Variants in SAMD9L observed in about 807,000 individuals in gnomAD.
The protein encoded by SAMD9L is sterile alpha motif domain containing 9 like.
A neutral mutation model predicts 90.7 loss-of-function variants in SAMD9L; 68 were observed. That is an observed-to-expected ratio of 0.75 (90% CI 0.62 to 0.92). The LOEUF (loss-of-function observed/expected upper bound fraction) is 0.92. Ranked by LOEUF, SAMD9L falls within the 40% of genes least tolerant of loss-of-function variation. SAMD9L has a pLI of 0.00. For synonymous variants in SAMD9L, 640 were observed against 630.1 expected (o/e 1.02, Z -0.23); for missense variants, 1,604 against 1,824.3 (o/e 0.88, Z 2.20).
rs763810714 is a variant in SAMD9L at position 93,131,250 on chromosome 7, T to G, written c.4722A>C (p.Glu1574Asp). The change falls in exon 5 of 5, where the codon GAA (glutamate) becomes GAC (aspartate). Residue 1574 changes from glutamate to aspartate, a missense_variant. Physicochemically the swap from Glu to Asp is conservative, Grantham distance 45. Coordinates refer to ENST00000318238, the MANE Select transcript of SAMD9L (RefSeq NM_152703.5). The part of the protein sequence containing the change: ...RVSFYLGFSI[E>D]GPLAYDIEVI ...CTTCTATATCATATGCCAGAGGGCC[T>G]TCAATGGAAAATCCTAGGTAGAAAG... 2.5e-6 allele frequency: 4 copies of G among 1,584,068 alleles called. No homozygotes were observed. The highest frequency in any genetic ancestry group is 3.4e-6 in the Non-Finnish European group (4 of 1,168,682).
rs1238117440 is a variant in SAMD9L at position 93,132,236 on chromosome 7, A to G, written c.3736T>C (p.Cys1246Arg). 2 of 1,613,752 alleles carry G rather than the reference A, an allele frequency of 1.2e-6. No individual in the cohort carries two copies. The highest frequency in any genetic ancestry group is 1.7e-6 in the Non-Finnish European group (2 of 1,179,894). ...GTGAACTTGCTAAGAGCCAAATAACATTCATTTCTGGGATCAGGAGGAATG... is the reference window on the plus strand; with the variant it reads ...GTGAACTTGCTAAGAGCCAAATAACGTTCATTTCTGGGATCAGGAGGAATG... ...WTIPPDPRNE[C>R]YLALSKFTSH... Residue 1246 changes from cysteine to arginine, a missense_variant, in exon 5 of 5, where the codon TGT becomes CGT. By Grantham distance (180) the Cys-to-Arg change is radical. Transcript: ENST00000318238.
In SAMD9L at chr7:93,135,583, T is replaced by G. The variant is rs977806632; in HGVS notation, c.389A>C (p.Lys130Thr). Residue 130 changes from lysine to threonine, a missense_variant, in exon 5 of 5, where the codon AAA (lysine) becomes ACA (threonine). This residue lies in a region of SAMD9L where 374 missense variants were observed against 363.6 expected (regional missense o/e 1.03). Transcript: ENST00000318238. Reference sequence around the variant, plus strand: ...TTTCATAAGAATTGATTCTTCTTGTTTGATATCTCTGATCTCTCTGGGATC... The same window carrying G: ...TTTCATAAGAATTGATTCTTCTTGTGTGATATCTCTGATCTCTCTGGGATC... ...DYDPREIRDI[K>T]QEESILMKEN... 2 of 1,613,994 alleles carry G rather than the reference T, an allele frequency of 1.2e-6. No homozygotes were observed. Among genetic ancestry groups the G allele is most frequent in the Non-Finnish European group, 1.7e-6 (2 of 1,179,912 alleles).
rs1792342529 is a variant in SAMD9L, at chr7:93,134,814, C to T, written c.1158G>A (p.Met386Ile). 1.2e-6 allele frequency: 2 copies of T among 1,613,600 alleles called. No individual in the cohort carries two copies. The highest frequency in any genetic ancestry group is 1.7e-5 in the Admixed American group (1 of 59,982). ...SRKEAEEEYG[M>I]KAMKKESEGL... is the part of the protein sequence containing the mutation. The stretch of plus-strand genomic sequence containing the variant: ...CTTCACTCTCCTTCTTCATTGCCTT[C>T]ATTCCATACTCTTCTTCAGCCTCTT... Residue 386 changes from methionine to isoleucine, a missense_variant, in exon 5 of 5, where the codon ATG becomes ATA. Coordinates refer to ENST00000318238, the MANE Select transcript of SAMD9L (RefSeq NM_152703.5).
rs950395362 is a variant in SAMD9L, at chr7:93,145,185, A to T, written c.-123+200T>A. Among the ~76,000 whole-genome samples, 14 of 152,356 alleles carry T rather than the reference A, an allele frequency of 9.2e-5. No homozygotes were observed. The South Asian group carries it at 1.7e-3, about 18-fold the overall frequency. On this transcript the variant is annotated intron_variant, in intron 3 of 4. Coordinates refer to ENST00000318238, the MANE Select transcript of SAMD9L (RefSeq NM_152703.5). ...TTTCTTGTTTAAAAATTCTGCAATC[A>T]GCACAAGTTACATCTATTGATTCTC...
rs1792309988 is a variant in SAMD9L at position 93,134,348 on chromosome 7, T to C, written c.1624A>G (p.Lys542Glu). 6.2e-7 allele frequency: 1 copy of C among 1,611,064 alleles called. No individual in the cohort carries two copies. Among genetic ancestry groups the C allele is most frequent in the East Asian group, 2.2e-5 (1 of 44,850 alleles). ...AGTAATAGAAACACTACCAAAAATT[T>C]TCCTCTTGTCATTATATTTTCATCT... ...LTDENIMTRG[K>E]FLVVFLLLSS... The change falls in exon 5 of 5, where the codon AAA becomes GAA. Residue 542 changes from lysine to glutamate, a missense_variant. Transcript: ENST00000318238.
intron 1 of SAMD9L, among the ~76,000 whole-genome samples, 173 bp from the exon 2 acceptor site, chr7:93,147,319 G>A (rs1792930871): frequency 6.6e-6 from 1 of 152,178 alleles, no homozygotes; most frequent in African/African-American, 2.4e-5. Flanking sequence ...GGGGCCCTCA[G>A]TGTCCTGTTT....
rs764516724 is a variant in SAMD9L, at chr7:93,132,205, T to G, written c.3767A>C (p.His1256Pro). Residue 1256 changes from histidine to proline, a missense_variant, in exon 5 of 5, where the codon CAC (histidine) becomes CCC (proline). This residue lies in a region of SAMD9L where 302 missense variants were observed against 314.7 expected (regional missense o/e 0.96). Transcript: ENST00000318238. ...CAGATCTGATTGTAAATTTTTTAGG[T>G]GGGATGTGAACTTGCTAAGAGCCAA... Reference protein sequence around the residue: ...CYLALSKFTSHLKNLQSDLKR... With the variant: ...CYLALSKFTSPLKNLQSDLKR... 6.2e-7 allele frequency: 1 copy of G among 1,613,740 alleles called. No individual in the cohort carries two copies. The highest frequency in any genetic ancestry group is 1.1e-5 in the South Asian group (1 of 91,058).
Position 93,134,198 on chromosome 7 carries a change from C to G in SAMD9L, c.1774G>C (p.Asp592His), listed in dbSNP as rs1792297912. The change falls in exon 5 of 5, where the codon GAT (aspartate) becomes CAT (histidine). Residue 592 changes from aspartate to histidine, a missense_variant. Coordinates refer to ENST00000318238, the MANE Select transcript of SAMD9L (RefSeq NM_152703.5). ...VNSHIYQRWKDLLQTRMKMED... is the reference protein window; with the variant it reads ...VNSHIYQRWKHLLQTRMKMED... The stretch of plus-strand genomic sequence containing the variant: ...ATCTTCATTCTTGTTTGTAGTAGAT[C>G]TTTCCATCGTTGATAAATATGTGAG... 1 of 1,613,042 alleles carries G rather than the reference C, an allele frequency of 6.2e-7. No homozygotes were observed. Among genetic ancestry groups the G allele is most frequent in the Admixed American group, 1.7e-5 (1 of 59,920 alleles).
At chr7:93,139,016 A>T (rs969335278) in intron 4 of SAMD9L, among the ~76,000 whole-genome samples, 2 of 152,164 alleles carry the variant, frequency 1.3e-5, no homozygotes, top group African/African-American at 4.8e-5. Context: ...GATATTTCAT[A>T]CTTTGAAAAT....
At position 93,132,016 on chromosome 7, in the gene SAMD9L, T is replaced by C; in HGVS notation, c.3956A>G (p.Glu1319Gly). Residue 1319 changes from glutamate to glycine, a missense_variant, in exon 5 of 5, where the codon GAG becomes GGG. Physicochemically the swap from Glu to Gly is moderately conservative, Grantham distance 98 (BLOSUM62 -2). Transcript: ENST00000318238. The stretch of plus-strand genomic sequence containing the variant: ...ATTCTCCTCCTGGAGTAATTGACTC[T>C]CTTTACTTTGTAATAGACATGGATC... The part of the protein sequence containing the change: ...HLDPCLLQSK[E>G]SQLLQEENCR... 1.9e-6 allele frequency: 3 copies of C among 1,613,380 alleles called. No homozygotes were observed. Among genetic ancestry groups the C allele is most frequent in the Non-Finnish European group, 2.5e-6 (3 of 1,179,742 alleles).
intron 1 of SAMD9L, among the ~76,000 whole-genome samples, chr7:93,147,374 A>T (rs1792933411): frequency 6.6e-6 from 1 of 152,202 alleles, no homozygotes; most frequent in Non-Finnish European, 1.5e-5. Flanking sequence ...AACGTTGGTT[A>T]TTGACAAAGG....
chr7:93,133,706 A>G lies in SAMD9L; in HGVS notation c.2266T>C (p.Trp756Arg), dbSNP rs2116489366. 1.2e-6 allele frequency: 2 copies of G among 1,613,628 alleles called. No homozygotes were observed. Among genetic ancestry groups the G allele is most frequent in the Non-Finnish European group, 1.7e-6 (2 of 1,179,868 alleles). The change falls in exon 5 of 5, where the codon TGG (tryptophan) becomes CGG (arginine). Residue 756 changes from tryptophan to arginine, a missense_variant. Trp to Arg is a moderately radical substitution (Grantham distance 101). This residue lies in a region of SAMD9L where 606 missense variants were observed against 717.6 expected (regional missense o/e 0.84). Transcript: ENST00000318238. Reference sequence around the variant, plus strand: ...CATCTGAAGTTTTTCTTTAAGTCCCAGAGAACATGCATAGCCAGTGTGGTA... The same window carrying G: ...CATCTGAAGTTTTTCTTTAAGTCCCGGAGAACATGCATAGCCAGTGTGGTA... ...GGTTLAMHVL[W>R]DLKKNFRCAV...
At chr7:93,136,091 A>T in intron 4 of SAMD9L, 100 bp from the exon 5 acceptor site, 1 of 742,864 alleles carries the variant, frequency 1.3e-6, no homozygotes, top group Admixed American at 3.6e-5. Context: ...ATACATATAT[A>T]TATGTATAAT....
chr7:93,137,439 ACT>A (rs1792499196), intron 4 of SAMD9L, among the ~76,000 whole-genome samples: 1 of 151,816 alleles, frequency 6.6e-6, no homozygotes, highest in African/African-American at 2.4e-5. Context: ...ATGATCAGTC[ACT>A]CTGTCCCATC....
Position 93,132,284 on chromosome 7 carries a change from G to A in SAMD9L, c.3688C>T (p.Gln1230Ter). The A allele has an allele frequency of 1.2e-6, 2 of 1,613,696 alleles. No homozygotes were observed. Among genetic ancestry groups the A allele is most frequent in the Non-Finnish European group, 1.7e-6 (2 of 1,179,786 alleles). The change falls in exon 5 of 5, where the codon CAA (glutamine) becomes TAA (stop). Residue 1230 changes from glutamine (Q) to a stop codon, truncating the protein, a stop_gained. Transcript: ENST00000318238. LOFTEE classifies it high-confidence loss of function. ...ATGGTCCACTTTCCTGATAAAAATT[G>A]CACCATATGTTTTTTGGATAATTCA... Reference protein sequence around the residue: ...ENELSKKHMVQFLSGKWTIPP... With the variant: ...ENELSKKHMV
rs372003012 is a variant in SAMD9L, at chr7:93,132,397, T to C, written c.3575A>G (p.Tyr1192Cys). The C allele has an allele frequency of 6.2e-7, 1 of 1,613,844 alleles. No individual in the cohort carries two copies. Among genetic ancestry groups the C allele is most frequent in the African/African-American group, 1.3e-5 (1 of 74,938 alleles). ...TTCACCCAAGAAACAAGCTGTGTTATACATGTCATATCGTCTCTGGGACTT... is the reference window on the plus strand; with the variant it reads ...TTCACCCAAGAAACAAGCTGTGTTACACATGTCATATCGTCTCTGGGACTT... ...PQKSQRRYDM[Y>C]NTACFLGEIE... The change falls in exon 5 of 5, where the codon TAT becomes TGT. Residue 1192 changes from tyrosine (Y) to cysteine (C), a missense_variant. Transcript: ENST00000318238.
chr7:93,135,665 T>C lies in SAMD9L; in HGVS notation c.307A>G (p.Asn103Asp). The change falls in exon 5 of 5, where the codon AAT becomes GAT. Residue 103 changes from asparagine to aspartate, a missense_variant. Transcript: ENST00000318238. ...TCTTCCTTTTTGGTGTGTTTTGGAT[T>C]TTTCTGGTGTTCTGTTTTGGACGGT... Reference protein sequence around the residue: ...SKPSKTEHQKNPKHTKKEEEN... With the variant: ...SKPSKTEHQKDPKHTKKEEEN... 6.2e-7 allele frequency: 1 copy of C among 1,614,132 alleles called. No individual in the cohort carries two copies. The highest frequency in any genetic ancestry group is 8.5e-7 in the Non-Finnish European group (1 of 1,179,996).
chr7:93,145,248 G>A (rs1039198019), intron 3 of SAMD9L, 137 bp downstream of exon 3: 1 of 152,078 alleles, frequency 6.6e-6, no homozygotes, highest in African/African-American at 2.4e-5. Context: ...CTTTTAAAAT[G>A]GTTTCATAAG....
At chr7:93,142,378 C>A (rs916656445) in intron 4 of SAMD9L, among the ~76,000 whole-genome samples, 1 of 152,272 alleles carries the variant, frequency 6.6e-6, no homozygotes, top group South Asian at 2.1e-4. Context: ...AGGAAATTAA[C>A]ATTTTTAGAT....
Sources: gnomAD v4.1 joint callset for allele counts (sites outside exome capture counted in the v4.1 genomes callset) on GRCh38, gnomAD v4.1.1 for gene constraint, gnomAD v4.1.1 regional missense constraint, MANE v1.5 for transcripts, NCBI Gene and HGNC (gene_info 2026-07-23, HGNC 2026-07-21) for gene names.